The following EYS variants were observed in gnomAD, a reference collection of about 807,000 sequenced individuals.
The protein encoded by EYS is protein eyes shut homolog.
EYS carries 250 observed loss-of-function variants against 282.1 expected under a neutral mutation model. That is an observed-to-expected ratio of 0.89 (90% confidence interval 0.80 to 0.98). EYS has a LOEUF of 0.98. Among genes scored for constraint, EYS ranks in the 50% least tolerant of loss-of-function variants. EYS has a pLI of 0.00. For missense variants in EYS, 4,016 were observed against 3,709.0 expected (o/e 1.08, Z -2.15); for synonymous variants, 1,355 against 1,282.9 (o/e 1.06, Z -1.20).
intron 14 of EYS, among the ~76,000 whole-genome samples, chr6:64,979,602 A>T (rs1770585705): frequency 6.6e-6 from 1 of 151,628 alleles, no homozygotes; most frequent in South Asian, 2.1e-4. Context: ...GAGAAAGCAA[A>T]GATCAGTTGT....
intron 41 of EYS, among the ~76,000 whole-genome samples, chr6:63,761,377 T>A (rs925755372): frequency 6.6e-6 from 1 of 151,984 alleles, no homozygotes; most frequent in Non-Finnish European, 1.5e-5. Flanking sequence ...ATAATCACAC[T>A]CTTAAGACAT....
intron 5 of EYS, among the ~76,000 whole-genome samples, chr6:65,408,761 A>G (rs1766859810): frequency 1.3e-5 from 2 of 152,054 alleles, no homozygotes; most frequent in Non-Finnish European, 2.9e-5. Flanking sequence ...CTTTGCATTT[A>G]ATGTGGTTTT....
chr6:64,842,887 G>A (rs1765606430), intron 19 of EYS, among the ~76,000 whole-genome samples: 1 of 152,110 alleles, frequency 6.6e-6, no homozygotes, highest in South Asian at 2.1e-4. Context: ...GATGCAGAGA[G>A]AAAACCCCAT....
chr6:64,145,423 G>A (rs555531981), intron 31 of EYS, among the ~76,000 whole-genome samples: 1 of 152,294 alleles, frequency 6.6e-6, no homozygotes, highest in African/African-American at 2.4e-5. Flanking sequence ...AGAAATAAAA[G>A]TGTGATTACC....
chr6:64,356,982 T>C (rs987618027), intron 29 of EYS, among the ~76,000 whole-genome samples: 6 of 151,558 alleles, frequency 4.0e-5, no homozygotes, highest in African/African-American at 1.5e-4. Context: ...TTGAAGACTA[T>C]AAAAAATAAA....
At chr6:64,008,349 C>G (rs369268600) in intron 33 of EYS, among the ~76,000 whole-genome samples, 1 of 152,128 alleles carries the variant, frequency 6.6e-6, no homozygotes, top group Admixed American at 6.6e-5. Context: ...TCTCTCTTGA[C>G]TTTAAGCTTA....
intron 5 of EYS, among the ~76,000 whole-genome samples, chr6:65,405,729 AT>A (rs1178238523): frequency 2.2e-4 from 33 of 151,804 alleles, no homozygotes; most frequent in Non-Finnish European, 4.0e-4. Flanking sequence ...TTGCATAGCA[AT>A]TTTTTTTAAA....
chr6:64,457,397 T>A (rs1775589580), intron 26 of EYS, among the ~76,000 whole-genome samples: 2 of 152,014 alleles, frequency 1.3e-5, no homozygotes, highest in East Asian at 1.9e-4. Flanking sequence ...AGAATACATT[T>A]TAAGTTTCAT....
At chr6:64,496,185 A>C (rs1582820876) in intron 26 of EYS, among the ~76,000 whole-genome samples, 2 of 152,004 alleles carry the variant, frequency 1.3e-5, no homozygotes, top group Admixed American at 1.3e-4. Context: ...TTGCTTTCTT[A>C]ACCTGATACC....
chr6:65,626,877 A>G (rs1766713487), intron 2 of EYS, among the ~76,000 whole-genome samples: 1 of 142,138 alleles, frequency 7.0e-6, no homozygotes, highest in African/African-American at 2.4e-5. Context: ...CCCTGGCTCA[A>G]TGGAAATGGG....
At chr6:64,945,715 A>G (rs1769263275) in intron 15 of EYS, 78 bp downstream of exon 15, 8 of 1,288,612 alleles carry the variant, frequency 6.2e-6, no homozygotes, top group Non-Finnish European at 7.4e-6. Context: ...CTAAAGTGAA[A>G]ATAATGTCTG....
At chr6:64,945,415 TA>T (rs1415329265) in intron 15 of EYS, among the ~76,000 whole-genome samples, 6 of 152,004 alleles carry the variant, frequency 3.9e-5, no homozygotes, top group African/African-American at 1.4e-4. Flanking sequence ...AATCTCTAAG[TA>T]AAAAATTGGA....
intron 31 of EYS, among the ~76,000 whole-genome samples, chr6:64,095,257 A>G (rs1582261225): frequency 6.6e-6 from 1 of 152,162 alleles, no homozygotes; most frequent in Non-Finnish European, 1.5e-5. Context: ...AGTTCTGTAG[A>G]TGTCTCTTAG....
At chr6:65,062,564 C>G (rs1160684188) in intron 12 of EYS, among the ~76,000 whole-genome samples, 1 of 151,912 alleles carries the variant, frequency 6.6e-6, no homozygotes, top group African/African-American at 2.4e-5. Flanking sequence ...AATGGCAGTA[C>G]TCCAAACTCC....
intron 35 of EYS, among the ~76,000 whole-genome samples, chr6:63,973,397 A>G (rs1251269046): frequency 6.6e-6 from 1 of 152,086 alleles, no homozygotes; most frequent in Non-Finnish European, 1.5e-5. Flanking sequence ...AATTTACAAG[A>G]AGAGAACTAA....
intron 29 of EYS, among the ~76,000 whole-genome samples, chr6:64,323,827 G>A (rs1156251478): frequency 6.6e-6 from 1 of 152,020 alleles, no homozygotes; most frequent in Non-Finnish European, 1.5e-5. Flanking sequence ...AGATGCCGTG[G>A]TATCCATCCA....
At chr6:65,535,114 T>C (rs893522821) in intron 2 of EYS, among the ~76,000 whole-genome samples, 2 of 152,096 alleles carry the variant, frequency 1.3e-5, no homozygotes, top group African/African-American at 2.4e-5. Context: ...CCAAGATCTG[T>C]AGGGTGAGTC....
At chr6:64,166,926 A>G (rs1342373470) in intron 31 of EYS, among the ~76,000 whole-genome samples, 2 of 151,048 alleles carry the variant, frequency 1.3e-5, no homozygotes, top group Admixed American at 1.3e-4. Flanking sequence ...TTTCACTCTC[A>G]CTGTGATAAA....
At chr6:65,607,299 C>A (rs1475773657) in intron 2 of EYS, among the ~76,000 whole-genome samples, 1 of 151,614 alleles carries the variant, frequency 6.6e-6, no homozygotes, top group Non-Finnish European at 1.5e-5. Context: ...TATTTATTTT[C>A]CTCTGTATTC....
Sources: allele counts gnomAD v4.1 joint callset (sites outside exome capture counted in the v4.1 genomes callset), GRCh38; gene constraint gnomAD v4.1.1; transcripts MANE v1.5; gene names NCBI Gene and HGNC (gene_info 2026-07-23, HGNC 2026-07-21).